The following MEP1B variants were observed in gnomAD, a reference collection of about 807,000 sequenced individuals.
The protein encoded by MEP1B is N-benzoyl-L-tyrosyl-P-amino-benzoic acid hydrolase subunit beta.
A neutral mutation model predicts 84.6 loss-of-function variants in MEP1B; 80 were observed. The ratio of observed to expected loss-of-function variants is 0.95; its 90% CI spans 0.79 to 1.14. The LOEUF (loss-of-function observed/expected upper bound fraction) is 1.14. MEP1B is among the 50% of genes most tolerant of loss of function. The pLI is 0.00. For missense variants in MEP1B, 766 were observed against 855.1 expected (o/e 0.90, Z 1.30); for synonymous variants, 273 against 288.1 (o/e 0.95, Z 0.53).
chr18:32,194,883 G>A (rs1282871120), intron 4 of MEP1B, among the ~76,000 whole-genome samples: 1 of 151,790 alleles, frequency 6.6e-6, no homozygotes, highest in Non-Finnish European at 1.5e-5. Flanking sequence ...CATGAAGCCA[G>A]AGACCTTTAT....
Position 32,210,582 on chromosome 18 carries a change from C to G in MEP1B, c.1001C>G (p.Pro334Arg), listed in dbSNP as rs1360921207. Residue 334 changes from proline to arginine, a missense_variant, in exon 10 of 15, where the codon CCT (proline) becomes CGT (arginine). Coordinates refer to ENST00000269202, the MANE Select transcript of MEP1B (RefSeq NM_005925.3). ...GTGCTGGAAAGTAGAACGCTGTACC[C>G]TAAAAGAGGATTTCAGTGCCTGCAA... ...TAVLESRTLY[P>R]KRGFQCLQFY... 1.2e-6 allele frequency: 2 copies of G among 1,613,984 alleles called. No homozygotes were observed. Among genetic ancestry groups the G allele is most frequent in the South Asian group, 1.1e-5 (1 of 91,080 alleles).
intron 5 of MEP1B, among the ~76,000 whole-genome samples, chr18:32,199,348 A>AGAT (rs1044527655): frequency 1.3e-5 from 2 of 152,214 alleles, no homozygotes; most frequent in African/African-American, 4.8e-5. Context: ...ATAAGTAAGA[A>AGAT]GATGGTCGAG....
chr18:32,190,635 TG>T (rs1368088510), intron 1 of MEP1B, among the ~76,000 whole-genome samples: 1 of 152,174 alleles, frequency 6.6e-6, no homozygotes, highest in Non-Finnish European at 1.5e-5. Flanking sequence ...AAGTTTCAAA[TG>T]GCTAGTGGAA....
chr18:32,200,284 A>G (rs777054763), intron 5 of MEP1B, among the ~76,000 whole-genome samples: 8 of 152,160 alleles, frequency 5.3e-5, no homozygotes, highest in African/African-American at 1.4e-4. Context: ...TTACATAGTT[A>G]TAACTATGAT....
intron 3 of MEP1B, 40 bp downstream of exon 3, chr18:32,192,730 T>C: frequency 6.2e-7 from 1 of 1,611,596 alleles, no homozygotes; most frequent in South Asian, 1.1e-5. Context: ...AAGTAGAGAG[T>C]TTGAATCCAA....
intron 4 of MEP1B, among the ~76,000 whole-genome samples, chr18:32,195,041 T>G (rs1365121106): frequency 6.6e-6 from 1 of 152,238 alleles, no homozygotes; most frequent in African/African-American, 2.4e-5. Context: ...TGACTTTTTC[T>G]GATATTGTGA....
intron 12 of MEP1B, among the ~76,000 whole-genome samples, chr18:32,215,778 C>A (rs1369719182): frequency 6.6e-6 from 1 of 151,940 alleles, no homozygotes; most frequent in Non-Finnish European, 1.5e-5. Context: ...GAGCCAAGTT[C>A]GTGCCACTGC....
rs757577788 is a variant in MEP1B at position 32,191,807 on chromosome 18, G to A, written c.64-15G>A. The A allele has an allele frequency of 8.9e-5, 134 of 1,510,446 alleles. 2 individuals are homozygous for A. In the South Asian group the frequency reaches 1.5e-3, roughly 17 times the overall value. The allele number at this position is 1,510,446 out of a possible 1,614,324, so 93.6% of individuals were successfully genotyped here. ...CATTATAATAATATGTTTTGTTTAT[G>A]TGTTTATTTCCCAGGCAACTCCAGA... On this transcript the variant is annotated splice_polypyrimidine_tract_variant and intron_variant, in intron 1 of 14. Coordinates refer to ENST00000269202, the MANE Select transcript of MEP1B (RefSeq NM_005925.3).
intron 10 of MEP1B, 86 bp from the exon 11 acceptor site, chr18:32,213,029 CT>C: frequency 7.7e-7 from 1 of 1,290,418 alleles, no homozygotes; most frequent in Admixed American, 2.0e-5. Flanking sequence ...TTGGATGACC[CT>C]TTGTCTAAGA....
chr18:32,195,739 T>C (rs188893422), intron 5 of MEP1B, among the ~76,000 whole-genome samples: 2 of 152,354 alleles, frequency 1.3e-5, no homozygotes, highest in Non-Finnish European at 2.9e-5. Context: ...ATGGAGAGCC[T>C]ACTCTGTTAT....
At chr18:32,216,277 G>C (rs1205607795) in intron 12 of MEP1B, among the ~76,000 whole-genome samples, 3 of 152,112 alleles carry the variant, frequency 2.0e-5, no homozygotes, top group African/African-American at 7.2e-5. Context: ...CTCTTGGAGA[G>C]ATTATTCAGA....
chr18:32,213,669 C>A (rs947562986), intron 11 of MEP1B, 110 bp downstream of exon 11: 3 of 797,286 alleles, frequency 3.8e-6, no homozygotes, highest in Non-Finnish European at 6.0e-6. Flanking sequence ...ATTTTGAGCC[C>A]CAAATCTTAA....
intron 1 of MEP1B, 54 bp from the exon 2 acceptor site, chr18:32,191,768 A>C (rs1292662209): frequency 1.3e-5 from 16 of 1,199,960 alleles, no homozygotes; most frequent in Non-Finnish European, 1.5e-5. Context: ...GAATCCAAGA[A>C]GACCATTCCT....
chr18:32,211,831 A>G (rs1001887733), intron 10 of MEP1B, among the ~76,000 whole-genome samples: 3 of 152,074 alleles, frequency 2.0e-5, no homozygotes, highest in African/African-American at 7.2e-5. Context: ...GAGTAATTCA[A>G]TTTGTTCCAC....
Position 32,196,290 on chromosome 18 carries a change from G to A in MEP1B, c.250+805G>A. The A allele has an allele frequency of 4.2e-6, 3 of 706,890 alleles. No individual in the cohort carries two copies. The highest frequency in any genetic ancestry group is 7.9e-6 in the Non-Finnish European group (3 of 377,838). 43.8% of individuals were successfully genotyped at this position (706,890 alleles called of 1,614,324 possible). A position where few individuals can be genotyped will look rare whatever the true frequency, so the allele number is the denominator to read the frequency against. ...CCATGCTGGGGGCTGTGAAGTTGAG[G>A]GGCGGGATGTTGTTGCTGGAGCCGT... On this transcript the variant is annotated intron_variant, in intron 5 of 14. Transcript: ENST00000269202. The surrounding 1 kb of genome is among the most constrained non-coding windows in gnomAD (Gnocchi z 4.4).
rs114350437 is a variant in MEP1B at position 32,204,394 on chromosome 18, A to C, written c.547+34A>C. 199 of 1,529,860 alleles carry C rather than the reference A, an allele frequency of 1.3e-4. No individual in the cohort carries two copies. The African/African-American group carries it at 2.5e-3, about 19-fold the overall frequency. 94.8% of individuals were successfully genotyped at this position (1,529,860 alleles called of 1,614,324 possible). On this transcript the variant is annotated intron_variant, in intron 7 of 14. Transcript: ENST00000269202. The stretch of plus-strand genomic sequence containing the variant: ...CTCTTTTTTTCCTATGTTTTTAGTT[A>C]AGGACTGAATTTCTAAGCATGTGTC...
In MEP1B at chr18:32,196,390, TCCTTGG is replaced by T; in HGVS notation, c.250+906_250+911del. 2.9e-6 allele frequency: 2 copies of T among 698,978 alleles called. No individual in the cohort carries two copies. The highest frequency in any genetic ancestry group is 4.0e-5 in the Admixed American group (2 of 49,538). 43.3% of individuals were successfully genotyped at this position (698,978 alleles called of 1,614,324 possible). A position where few individuals can be genotyped will look rare whatever the true frequency, so the allele number is the denominator to read the frequency against. ...CAGGCACTTGAGGTACTCAGAGCTC[TCCTTGG>T]TCTTCTCCTGGTCCTCGCCCAGCTG... On this transcript the variant is annotated intron_variant, in intron 5 of 14. Coordinates refer to ENST00000269202, the MANE Select transcript of MEP1B (RefSeq NM_005925.3). This position sits in a 1 kb window ranked among gnomAD's most constrained non-coding sequence, Gnocchi z 4.4.
chr18:32,215,479 C>G (rs2041074126), intron 12 of MEP1B, among the ~76,000 whole-genome samples: 1 of 151,932 alleles, frequency 6.6e-6, no homozygotes, highest in African/African-American at 2.4e-5. Flanking sequence ...ATTTAATGAC[C>G]ACCACATGAA....
At chr18:32,209,237 C>T (rs185087104) in intron 9 of MEP1B, among the ~76,000 whole-genome samples, 92 of 152,240 alleles carry the variant, frequency 6.0e-4, no homozygotes, top group Admixed American at 1.8e-3. Flanking sequence ...CTGTAATCCC[C>T]GGCCTTTGGG....
Sources: gnomAD v4.1 joint callset for allele counts (sites outside exome capture counted in the v4.1 genomes callset) on GRCh38, gnomAD v4.1.1 for gene constraint, Gnocchi (gnomAD v3.1) non-coding constraint, MANE v1.5 for transcripts, NCBI Gene and HGNC (gene_info 2026-07-23, HGNC 2026-07-21) for gene names.